The following NHLRC2 variants were observed in gnomAD, a reference collection of about 807,000 sequenced individuals.
NHLRC2 encodes the protein NHL repeat-containing protein 2.
A neutral mutation model predicts 68.1 loss-of-function variants in NHLRC2; 33 were observed. The observed-to-expected ratio is 0.48, with a 90% confidence interval of 0.37 to 0.65. NHLRC2 has a LOEUF of 0.65. Among genes scored for constraint, NHLRC2 ranks in the 30% least tolerant of loss-of-function variants. NHLRC2 has a pLI of 0.00. For missense variants in NHLRC2, 761 were observed against 853.8 expected (o/e 0.89, Z 1.35); for synonymous variants, 311 against 309.6 (o/e 1.00, Z -0.05).
At chr10:113,879,199 A>C (rs1300291353) in intron 3 of NHLRC2, among the ~76,000 whole-genome samples, 1 of 150,664 alleles carries the variant, frequency 6.6e-6, no homozygotes, top group Admixed American at 6.7e-5. Context: ...GTATTTTTCT[A>C]GGGAAAGGGC....
chr10:113,890,780 T>C (rs1846123590), intron 5 of NHLRC2, among the ~76,000 whole-genome samples: 4 of 152,206 alleles, frequency 2.6e-5, no homozygotes, highest in African/African-American at 9.6e-5. Flanking sequence ...TCCATTCTCA[T>C]ACTGCTATAA....
Position 113,915,168 on chromosome 10 carries a change from T to C in NHLRC2, c.*6632T>C. 1 of 456,206 alleles carries C rather than the reference T, an allele frequency of 2.2e-6. No individual in the cohort carries two copies. The highest frequency in any genetic ancestry group is 1.6e-5 in the South Asian group (1 of 64,420). 28.3% of individuals were successfully genotyped at this position (456,206 alleles called of 1,614,324 possible). A position where few individuals can be genotyped will look rare whatever the true frequency, so the allele number is the denominator to read the frequency against. On this transcript the variant is annotated 3_prime_UTR_variant, in exon 11 of 11. Transcript: ENST00000369301. Reference sequence around the variant, plus strand: ...GGTGTGTCCCTCTTCTTCACTGGCATGTCGCTTTCAAGTGTACCAAAGGAC... The same window carrying C: ...GGTGTGTCCCTCTTCTTCACTGGCACGTCGCTTTCAAGTGTACCAAAGGAC...
At chr10:113,902,780 T>C (rs182047420) in intron 8 of NHLRC2, among the ~76,000 whole-genome samples, 187 bp downstream of exon 8, 314 of 152,312 alleles carry the variant, frequency 2.1e-3, no homozygotes, top group Non-Finnish European at 3.6e-3. Flanking sequence ...TATGATGGTA[T>C]TCTGAACTAG....
chr10:113,890,241 T>C (rs1175549007), intron 5 of NHLRC2, among the ~76,000 whole-genome samples: 1 of 152,226 alleles, frequency 6.6e-6, no homozygotes, highest in Non-Finnish European at 1.5e-5. Flanking sequence ...TCTGAAAAAG[T>C]ATCTAGCTTT....
rs192534508 is a variant in NHLRC2 at position 113,904,032 on chromosome 10, A to G, written c.1704+296A>G. Among the ~76,000 whole-genome samples, 10 of 151,188 alleles carry G rather than the reference A, an allele frequency of 6.6e-5. No homozygotes were observed. The East Asian group carries it at 1.7e-3, about 26-fold the overall frequency. ...AGGACTCAGATCTGTTTTTAAGTGT[A>G]CAGACATACTGACATACACTACATA... On this transcript the variant is annotated intron_variant, in intron 9 of 10. Transcript: ENST00000369301.
rs1193648270 is a variant in NHLRC2, at chr10:113,858,690, CT to C, written c.331+13del. On this transcript the variant is annotated intron_variant, in intron 2 of 10. Coordinates refer to ENST00000369301, the MANE Select transcript of NHLRC2 (RefSeq NM_198514.4). Reference sequence around the variant, plus strand: ...ACATACTCTGATAAAGGTATCTGCTCTTTAATTAGTTTCTAACAGACTGTCC... The same window carrying C: ...ACATACTCTGATAAAGGTATCTGCTCTTAATTAGTTTCTAACAGACTGTCC... 50 of 1,600,816 alleles carry C rather than the reference CT, an allele frequency of 3.1e-5. No homozygotes were observed. The highest frequency in any genetic ancestry group is 4.0e-5 in the Non-Finnish European group (47 of 1,169,184).
At chr10:113,891,064 C>G (rs1309117928) in intron 5 of NHLRC2, among the ~76,000 whole-genome samples, 1 of 152,200 alleles carries the variant, frequency 6.6e-6, no homozygotes, top group Non-Finnish European at 1.5e-5. Flanking sequence ...CACCAGGTCC[C>G]TCCCTCGACT....
At chr10:113,864,499 A>C (rs139407580) in intron 2 of NHLRC2, among the ~76,000 whole-genome samples, 1,735 of 152,194 alleles carry the variant, frequency 0.011, 35 homozygotes, top group African/African-American at 0.039. Context: ...AGAGATGGAG[A>C]CCATCCTGGC....
At chr10:113,890,182 TC>T (rs1229616867) in intron 5 of NHLRC2, among the ~76,000 whole-genome samples, 2 of 152,220 alleles carry the variant, frequency 1.3e-5, no homozygotes, top group Non-Finnish European at 2.9e-5. Context: ...CTGAAGAACT[TC>T]TTATGACACA....
chr10:113,884,847 A>G (rs1846067421), intron 5 of NHLRC2, among the ~76,000 whole-genome samples: 1 of 151,772 alleles, frequency 6.6e-6, no homozygotes, highest in Non-Finnish European at 1.5e-5. Context: ...AAAAATTTAT[A>G]TTAAAGTATG....
chr10:113,892,847 A>G (rs1484080439), intron 5 of NHLRC2, among the ~76,000 whole-genome samples: 2 of 152,114 alleles, frequency 1.3e-5, no homozygotes, highest in Non-Finnish European at 2.9e-5. Context: ...CAACTTCCCC[A>G]TCTAAATTGA....
rs1472109903 is a variant in NHLRC2, at chr10:113,915,001, A to G, written c.*6465A>G. 3.1e-5 allele frequency: 14 copies of G among 456,172 alleles called. No homozygotes were observed. Among genetic ancestry groups the G allele is most frequent in the Non-Finnish European group, 8.8e-6 (2 of 226,984 alleles). The allele number at this position is 456,172 out of a possible 1,614,324, so 28.3% of individuals were successfully genotyped here. On this transcript the variant is annotated 3_prime_UTR_variant, in exon 11 of 11. Coordinates refer to ENST00000369301, the MANE Select transcript of NHLRC2 (RefSeq NM_198514.4). ...AATCACAGAGCCTGGGTAAGGTGGA[A>G]CAGGAGGCAGCCCCACTCGGCTTTT...
At chr10:113,866,868 G>C (rs1276185025) in intron 2 of NHLRC2, among the ~76,000 whole-genome samples, 1 of 151,782 alleles carries the variant, frequency 6.6e-6, no homozygotes, top group East Asian at 1.9e-4. Context: ...TCAGGAAAGG[G>C]AAAAGATGCA....
In NHLRC2 at chr10:113,917,011, A is replaced by G. The variant is rs1846393222; in HGVS notation, c.*8475A>G. 1 of 152,204 alleles carries G rather than the reference A, an allele frequency of 6.6e-6. No individual in the cohort carries two copies. The highest frequency in any genetic ancestry group is 2.1e-4 in the South Asian group (1 of 4,834). 9.4% of individuals were successfully genotyped at this position (152,204 alleles called of 1,614,324 possible). On this transcript the variant is annotated 3_prime_UTR_variant, in exon 11 of 11. Transcript: ENST00000369301. ...ACTTTTCAGTGACTTTTTCAAGTGC[A>G]TGTGTTAACAGAAGATTGTTTGGAA...
At chr10:113,868,030 C>T (rs1380846404) in intron 2 of NHLRC2, among the ~76,000 whole-genome samples, 2 of 152,060 alleles carry the variant, frequency 1.3e-5, no homozygotes, top group East Asian at 3.9e-4. Context: ...ACTCTGTTGC[C>T]TGGGCTGGAT....
At chr10:113,891,166 C>G (rs1846127581) in intron 5 of NHLRC2, among the ~76,000 whole-genome samples, 1 of 152,172 alleles carries the variant, frequency 6.6e-6, no homozygotes. Context: ...TTTTTCATCT[C>G]TAATATTATG....
At chr10:113,860,252 C>T (rs1845802503) in intron 2 of NHLRC2, among the ~76,000 whole-genome samples, 1 of 152,022 alleles carries the variant, frequency 6.6e-6, no homozygotes, top group African/African-American at 2.4e-5. Context: ...CAGTTCCATA[C>T]CTAAGATCAC....
chr10:113,855,340 C>T (rs918175167), intron 1 of NHLRC2, among the ~76,000 whole-genome samples: 3 of 152,200 alleles, frequency 2.0e-5, no homozygotes, highest in Admixed American at 1.3e-4. Context: ...ATTTAGTGTC[C>T]CCGGTGGCAA....
At chr10:113,907,166 T>A (rs1212566896) in intron 10 of NHLRC2, among the ~76,000 whole-genome samples, 1 of 152,252 alleles carries the variant, frequency 6.6e-6, no homozygotes, top group African/African-American at 2.4e-5. Flanking sequence ...TCTCTCTAGA[T>A]TCTTATCTTT....
Sources: allele counts gnomAD v4.1 joint callset (sites outside exome capture counted in the v4.1 genomes callset), GRCh38; gene constraint gnomAD v4.1.1; transcripts MANE v1.5; gene names NCBI Gene and HGNC (gene_info 2026-07-23, HGNC 2026-07-21).